HDAC9: variants seen among roughly 807,000 people sequenced by gnomAD.
The protein encoded by HDAC9 is MEF-2 interacting transcription repressor (MITR) protein.
Under a neutral mutation model 139.4 loss-of-function variants are expected in HDAC9, and 41 were observed. The observed-to-expected ratio is 0.29, with a 90% CI of 0.23 to 0.38. The LOEUF (loss-of-function observed/expected upper bound fraction) is 0.38. Among genes scored for constraint, HDAC9 ranks in the 10% least tolerant of loss-of-function variants. The pLI is 1.00. For synonymous variants in HDAC9, 517 were observed against 476.2 expected, an observed-to-expected ratio of 1.09 and a Z score of -1.12; for missense variants, 1,147 against 1,297.0, an observed-to-expected ratio of 0.88 and a Z score of 1.78.
chr7:18,127,707 A>G (rs1402157276), intron 1 of HDAC9, among the ~76,000 whole-genome samples: 1 of 152,104 alleles, frequency 6.6e-6, no homozygotes, highest in Non-Finnish European at 1.5e-5. Context: ...AGAGGCCAAA[A>G]TTTTTAGACC....
chr7:18,953,833 G>A (rs1050976904), intron 23 of HDAC9, among the ~76,000 whole-genome samples: 1 of 151,980 alleles, frequency 6.6e-6, no homozygotes, highest in African/African-American at 2.4e-5. Context: ...ATGGAATTTG[G>A]TTTGTCAGGA....
At chr7:18,184,196 C>CG (rs1789727903) in intron 2 of HDAC9, among the ~76,000 whole-genome samples, 2 of 152,030 alleles carry the variant, frequency 1.3e-5, no homozygotes, top group African/African-American at 4.8e-5. Flanking sequence ...GTTGGGTGTT[C>CG]GAGACCCGCC....
chr7:18,143,472 T>A (rs1786059880), intron 1 of HDAC9, among the ~76,000 whole-genome samples: 1 of 152,152 alleles, frequency 6.6e-6, no homozygotes, highest in African/African-American at 2.4e-5. Context: ...AGTATGTAAA[T>A]AAGATGAATT....
At chr7:18,657,137 T>C (rs1194223757) in intron 11 of HDAC9, among the ~76,000 whole-genome samples, 1 of 152,166 alleles carries the variant, frequency 6.6e-6, no homozygotes, top group Admixed American at 6.6e-5. Flanking sequence ...TATTAGATTT[T>C]TTTCCTGTTG....
chr7:18,166,879 G>C (rs929318412), intron 2 of HDAC9, among the ~76,000 whole-genome samples: 2 of 152,160 alleles, frequency 1.3e-5, no homozygotes, highest in Non-Finnish European at 2.9e-5. Flanking sequence ...TTTGTTCATA[G>C]TGTGTTACCA....
chr7:18,340,362 T>C (rs1781911067), intron 1 of HDAC9, among the ~76,000 whole-genome samples: 1 of 151,582 alleles, frequency 6.6e-6, no homozygotes, highest in South Asian at 2.1e-4. Flanking sequence ...ATACCTTTAG[T>C]GTGATTATTG....
At chr7:18,944,491 C>A (rs934082365) in intron 23 of HDAC9, among the ~76,000 whole-genome samples, 2 of 152,068 alleles carry the variant, frequency 1.3e-5, no homozygotes, top group Non-Finnish European at 2.9e-5. Flanking sequence ...GACTTTGTTT[C>A]CCTATTCTCT....
intron 8 of HDAC9, among the ~76,000 whole-genome samples, chr7:18,642,982 A>G (rs1278584698): frequency 6.6e-6 from 1 of 152,108 alleles, no homozygotes; most frequent in African/African-American, 2.4e-5. Flanking sequence ...CCTATTTAAA[A>G]TGCTTATTTT....
chr7:18,555,306 G>C (rs1376429598), intron 2 of HDAC9, among the ~76,000 whole-genome samples: 6 of 152,112 alleles, frequency 3.9e-5, no homozygotes, highest in Admixed American at 3.9e-4. Flanking sequence ...GAAAAAGCCT[G>C]ATACTCAAAA....
intron 12 of HDAC9, among the ~76,000 whole-genome samples, chr7:18,701,412 C>T (rs202231895): frequency 1.2e-5 from 1 of 84,790 alleles, no homozygotes. Context: ...AAAAACAAAA[C>T]AAACAAAAAA....
chr7:18,938,230 C>CAAAAA (rs71553939), intron 23 of HDAC9, among the ~76,000 whole-genome samples: 36 of 75,310 alleles, frequency 4.8e-4, no homozygotes, highest in African/African-American at 1.8e-3. Flanking sequence ...GACTCCGTCT[C>CAAAAA]AAAAAAAAAA....
intron 22 of HDAC9, among the ~76,000 whole-genome samples, chr7:18,893,455 C>G (rs112093228): frequency 3.1e-3 from 466 of 152,228 alleles, no homozygotes; most frequent in Non-Finnish European, 5.6e-3. Context: ...CTACATCAGT[C>G]TGAAGAAGTC....
intron 22 of HDAC9, among the ~76,000 whole-genome samples, chr7:18,923,384 T>C (rs1335731401): frequency 2.6e-5 from 4 of 152,112 alleles, no homozygotes; most frequent in Non-Finnish European, 5.9e-5. Flanking sequence ...CTAATCTCAT[T>C]ATAGACCCTT....
chr7:18,679,261 T>G (rs928244143), intron 12 of HDAC9, among the ~76,000 whole-genome samples: 1 of 151,858 alleles, frequency 6.6e-6, no homozygotes, highest in African/African-American at 2.4e-5. Flanking sequence ...ATATTAACTT[T>G]AAAGGCAGAT....
chr7:18,280,767 A>T (rs887324197), intron 2 of HDAC9, among the ~76,000 whole-genome samples: 22 of 151,374 alleles, frequency 1.5e-4, no homozygotes, highest in East Asian at 7.7e-4. Flanking sequence ...TGTCTCAAAA[A>T]AAATAAATAA....
intron 22 of HDAC9, among the ~76,000 whole-genome samples, chr7:18,935,406 A>G (rs1450290288): frequency 6.6e-6 from 1 of 152,188 alleles, no homozygotes. Context: ...TGGGGCATAG[A>G]AAACTTTCTA....
At chr7:18,941,648 A>G (rs1413772618) in intron 23 of HDAC9, among the ~76,000 whole-genome samples, 2 of 152,142 alleles carry the variant, frequency 1.3e-5, no homozygotes, top group African/African-American at 4.8e-5. Context: ...AGGAAGGAGG[A>G]ACTGAATACA....
chr7:18,297,972 AT>A (rs1355804400), intron 1 of HDAC9, among the ~76,000 whole-genome samples: 1 of 152,160 alleles, frequency 6.6e-6, no homozygotes. Flanking sequence ...CTCACAGGCC[AT>A]TTAAATGTTA....
intron 12 of HDAC9, among the ~76,000 whole-genome samples, chr7:18,715,056 T>C (rs1784602021): frequency 6.6e-6 from 1 of 152,194 alleles, no homozygotes; most frequent in African/African-American, 2.4e-5. Flanking sequence ...TTTTTAGATA[T>C]TATGTTACAT....
Sources: gnomAD v4.1 joint callset for allele counts (sites outside exome capture counted in the v4.1 genomes callset) on GRCh38, gnomAD v4.1.1 for gene constraint, MANE v1.5 for transcripts, NCBI Gene and HGNC (gene_info 2026-07-23, HGNC 2026-07-21) for gene names.